The following PLPPR1 variants were observed in gnomAD, a reference collection of about 807,000 sequenced individuals.
The protein encoded by PLPPR1 is phospholipid phosphatase-related protein type 1.
Under a neutral mutation model 33.1 loss-of-function variants are expected in PLPPR1, and 10 were observed. The observed-to-expected ratio is 0.30, with a 90% CI of 0.19 to 0.51. The LOEUF is 0.51. Among genes scored for constraint, PLPPR1 ranks in the 20% least tolerant of loss-of-function variants. The pLI, the probability that PLPPR1 is intolerant of heterozygous loss-of-function variation, is 0.97. For missense variants in PLPPR1, 304 were observed against 408.1 expected (o/e 0.74, Z 2.20); for synonymous variants, 151 against 151.0 (o/e 1.00, Z 0.00).
intron 1 of PLPPR1, among the ~76,000 whole-genome samples, chr9:101,179,302 C>A (rs1235496589): frequency 6.6e-6 from 1 of 152,154 alleles, no homozygotes; most frequent in East Asian, 1.9e-4. Context: ...AAAAGCACAA[C>A]CTGCTGAGTT....
chr9:101,186,845 G>A (rs1288114011), intron 2 of PLPPR1, among the ~76,000 whole-genome samples: 1 of 151,886 alleles, frequency 6.6e-6, no homozygotes, highest in African/African-American at 2.4e-5. Flanking sequence ...AGGAGAGAAG[G>A]TTGGAACAGA....
At chr9:101,219,696 A>G (rs1826886779) in intron 2 of PLPPR1, among the ~76,000 whole-genome samples, 1 of 152,170 alleles carries the variant, frequency 6.6e-6, no homozygotes, top group African/African-American at 2.4e-5. Context: ...TTCTGAGATT[A>G]TGTCTTGCTC....
At chr9:101,196,183 A>G (rs886475210) in intron 2 of PLPPR1, among the ~76,000 whole-genome samples, 3 of 152,216 alleles carry the variant, frequency 2.0e-5, no homozygotes, top group Non-Finnish European at 2.9e-5. Context: ...CCAAAATTAC[A>G]TGAAGCATAA....
At chr9:101,262,329 T>C (rs1827915130) in intron 2 of PLPPR1, among the ~76,000 whole-genome samples, 1 of 152,194 alleles carries the variant, frequency 6.6e-6, no homozygotes, top group African/African-American at 2.4e-5. Flanking sequence ...AGGCAATCTG[T>C]CCTGTACTCT....
chr9:101,215,481 A>T (rs904253921), intron 2 of PLPPR1, among the ~76,000 whole-genome samples: 4 of 152,116 alleles, frequency 2.6e-5, no homozygotes, highest in Non-Finnish European at 5.9e-5. Context: ...GGGTTTCACC[A>T]TGTTGGTCAG....
intron 1 of PLPPR1, among the ~76,000 whole-genome samples, chr9:101,138,165 T>C (rs1340125034): frequency 1.3e-5 from 2 of 152,234 alleles, no homozygotes; most frequent in Non-Finnish European, 2.9e-5. Flanking sequence ...AAGTAGGCTA[T>C]GGGTCAATAC....
chr9:101,139,887 A>C (rs1233049209), intron 1 of PLPPR1, among the ~76,000 whole-genome samples: 1 of 152,186 alleles, frequency 6.6e-6, no homozygotes, highest in East Asian at 1.9e-4. Flanking sequence ...TTTCAGAACT[A>C]AGGACTGAGG....
chr9:101,218,143 A>G (rs541779028), intron 2 of PLPPR1, among the ~76,000 whole-genome samples: 2 of 152,198 alleles, frequency 1.3e-5, no homozygotes, highest in Non-Finnish European at 2.9e-5. Context: ...TATCAATTTT[A>G]TGGAAGAATA....
intron 1 of PLPPR1, among the ~76,000 whole-genome samples, chr9:101,055,970 T>C (rs1439103410): frequency 6.6e-6 from 1 of 152,226 alleles, no homozygotes; most frequent in African/African-American, 2.4e-5. Flanking sequence ...TAGTTGACAG[T>C]TTCTACTTTA....
At chr9:101,058,912 ATTAAC>A (rs1830310026) in intron 1 of PLPPR1, among the ~76,000 whole-genome samples, 1 of 152,130 alleles carries the variant, frequency 6.6e-6, no homozygotes, top group African/African-American at 2.4e-5. Flanking sequence ...AAAAAAGTTA[ATTAAC>A]TTAAGGTCAC....
intron 2 of PLPPR1, among the ~76,000 whole-genome samples, chr9:101,208,408 A>T (rs905168609): frequency 1.3e-5 from 2 of 152,168 alleles, no homozygotes; most frequent in Non-Finnish European, 2.9e-5. Flanking sequence ...CCTTGGTGAT[A>T]GTTTTCTTTG....
chr9:101,238,349 G>GTATATATATATATATA (rs199647180), intron 2 of PLPPR1, among the ~76,000 whole-genome samples: 20 of 132,976 alleles, frequency 1.5e-4, no homozygotes, highest in African/African-American at 4.3e-4. Context: ...ATATATAGAG[G>GTATATATATATATATA]TGTATATATA....
At chr9:101,036,955 A>G (rs1306539226) in intron 1 of PLPPR1, among the ~76,000 whole-genome samples, 9 of 152,154 alleles carry the variant, frequency 5.9e-5, no homozygotes, top group African/African-American at 2.2e-4. Context: ...CGCTGGACTG[A>G]AAACCTGATC....
intron 2 of PLPPR1, among the ~76,000 whole-genome samples, chr9:101,191,267 C>T (rs570531965): frequency 6.6e-6 from 1 of 152,268 alleles, no homozygotes; most frequent in South Asian, 2.1e-4. Context: ...CTTTAATGAA[C>T]ATGAGGACAT....
At chr9:101,255,051 A>AT (rs1275675614) in intron 2 of PLPPR1, among the ~76,000 whole-genome samples, 1 of 152,142 alleles carries the variant, frequency 6.6e-6, no homozygotes, top group East Asian at 1.9e-4. Flanking sequence ...TAACCTTCAA[A>AT]TTTTTGCTAA....
At chr9:101,114,154 C>T (rs1831092006) in intron 1 of PLPPR1, among the ~76,000 whole-genome samples, 1 of 152,208 alleles carries the variant, frequency 6.6e-6, no homozygotes, top group Non-Finnish European at 1.5e-5. Context: ...GAGGAATCTT[C>T]TCAAACTGAG....
intron 1 of PLPPR1, among the ~76,000 whole-genome samples, chr9:101,031,842 C>T (rs1829949110): frequency 6.6e-6 from 1 of 152,096 alleles, no homozygotes; most frequent in African/African-American, 2.4e-5. Context: ...TGGCAATAAG[C>T]CATCTCATGT....
chr9:101,176,597 G>A (rs1022206206), intron 1 of PLPPR1, among the ~76,000 whole-genome samples: 6 of 152,106 alleles, frequency 3.9e-5, no homozygotes, highest in African/African-American at 1.4e-4. Context: ...GAGGCCTAGT[G>A]GGAGTGCTGG....
chr9:101,240,732 G>A (rs2118846164), intron 2 of PLPPR1, among the ~76,000 whole-genome samples: 1 of 152,126 alleles, frequency 6.6e-6, no homozygotes, highest in East Asian at 1.9e-4. Flanking sequence ...AATAAAGTTG[G>A]GAAATTACTG....
Sources: gnomAD v4.1 joint callset for allele counts (sites outside exome capture counted in the v4.1 genomes callset) on GRCh38, gnomAD v4.1.1 for gene constraint, MANE v1.5 for transcripts, NCBI Gene and HGNC (gene_info 2026-07-23, HGNC 2026-07-21) for gene names.